The following TENM3 variants were observed in gnomAD, a reference collection of about 807,000 sequenced individuals.
The protein encoded by TENM3 is teneurin transmembrane protein 3.
A neutral mutation model predicts 255.1 loss-of-function variants in TENM3; 63 were observed. That is an observed-to-expected ratio of 0.25 (90% CI 0.20 to 0.30). The LOEUF (loss-of-function observed/expected upper bound fraction) is 0.30. TENM3 is among the 10% of genes least tolerant of loss of function. The pLI is 1.00. For missense variants in TENM3, 2,929 were observed against 3,461.1 expected (o/e 0.85, Z 3.86); for synonymous variants, 1,306 against 1,322.3 (o/e 0.99, Z 0.27).
At chr4:182,344,088 AT>A (rs77628132) in intron 2 of TENM3, among the ~76,000 whole-genome samples, 41,053 of 151,876 alleles carry the variant, frequency 0.27, 5,972 homozygotes, top group East Asian at 0.37. Context: ...TTTTTAAGTG[AT>A]TTTTTTCATT....
chr4:181,598,728 A>G, the TENM3 span, among the ~76,000 whole-genome samples: 2 of 152,194 alleles, frequency 1.3e-5, no homozygotes, highest in South Asian at 2.1e-4. Context: ...AATAGATTAC[A>G]TCTTGTAATA....
At chr4:181,933,255 A>G in the TENM3 span, among the ~76,000 whole-genome samples, 1 of 152,222 alleles carries the variant, frequency 6.6e-6, no homozygotes, top group Non-Finnish European at 1.5e-5. Context: ...AGCTTTAGAA[A>G]GAGTAATAAA....
intron 3 of TENM3, among the ~76,000 whole-genome samples, chr4:182,425,956 T>A (rs2151163762): frequency 7.1e-6 from 1 of 140,542 alleles, no homozygotes; most frequent in East Asian, 2.0e-4. Context: ...TGCAGTGAGC[T>A]GTGATCGCAC....
chr4:181,565,563 G>A, the TENM3 span, among the ~76,000 whole-genome samples: 1 of 152,158 alleles, frequency 6.6e-6, no homozygotes, highest in Admixed American at 6.5e-5. Context: ...TGCGGACGAG[G>A]GCACGCAGCA....
chr4:181,678,140 G>A, the TENM3 span, among the ~76,000 whole-genome samples: 1 of 152,130 alleles, frequency 6.6e-6, no homozygotes. Context: ...CAAGAGACAA[G>A]TTCTATGCAG....
chr4:182,463,790 A>AT (rs1244480673), intron 3 of TENM3, among the ~76,000 whole-genome samples: 10 of 151,742 alleles, frequency 6.6e-5, no homozygotes, highest in Non-Finnish European at 1.2e-4. Flanking sequence ...TGCCCAGCTA[A>AT]TTTTGTATTT....
the TENM3 span, among the ~76,000 whole-genome samples, chr4:181,910,726 C>T: frequency 4.6e-5 from 7 of 151,582 alleles, no homozygotes; most frequent in African/African-American, 7.3e-5. Context: ...ATCCACCTGC[C>T]TCAGCCCCCC....
chr4:182,796,983 A>T (rs1404848382), intron 27 of TENM3, among the ~76,000 whole-genome samples: 1 of 152,256 alleles, frequency 6.6e-6, no homozygotes, highest in African/African-American at 2.4e-5. Context: ...GCTAATGAAA[A>T]CATAGAAATG....
At chr4:182,720,825 T>C (rs180814665) in intron 13 of TENM3, among the ~76,000 whole-genome samples, 1 of 144,192 alleles carries the variant, frequency 6.9e-6, no homozygotes, top group Non-Finnish European at 1.5e-5. Flanking sequence ...TGGAGTGCAA[T>C]AGCATAGTCT....
intron 22 of TENM3, among the ~76,000 whole-genome samples, chr4:182,771,563 T>G (rs1161211326): frequency 6.6e-6 from 1 of 152,146 alleles, no homozygotes; most frequent in Non-Finnish European, 1.5e-5. Context: ...GGGCATTAAT[T>G]TTTTTTAACC....
At chr4:182,643,297 C>G (rs1752471904) in intron 5 of TENM3, among the ~76,000 whole-genome samples, 1 of 152,080 alleles carries the variant, frequency 6.6e-6, no homozygotes, top group East Asian at 1.9e-4. Flanking sequence ...GCATTCAAAG[C>G]CCAAGATATC....
chr4:182,207,949 C>T (rs577736633), intron 1 of TENM3, among the ~76,000 whole-genome samples: 171 of 152,322 alleles, frequency 1.1e-3, no homozygotes, highest in Non-Finnish European at 1.9e-3. Context: ...AATGCTGCTG[C>T]TGCTGTTGCT....
At chr4:181,452,625 C>T in the TENM3 span, among the ~76,000 whole-genome samples, 10 of 152,178 alleles carry the variant, frequency 6.6e-5, no homozygotes, top group Non-Finnish European at 1.5e-4. Context: ...ATCAATTAAA[C>T]ATCTTTCCTC....
chr4:182,482,463 A>G (rs1215029241), intron 3 of TENM3, among the ~76,000 whole-genome samples: 2 of 152,192 alleles, frequency 1.3e-5, no homozygotes, highest in Non-Finnish European at 2.9e-5. Context: ...TAAAAAAATT[A>G]CCCTTCAGTG....
intron 3 of TENM3, among the ~76,000 whole-genome samples, chr4:182,464,422 A>G (rs1223600427): frequency 6.6e-6 from 1 of 152,010 alleles, no homozygotes; most frequent in Non-Finnish European, 1.5e-5. Flanking sequence ...ATGTCCAGCT[A>G]ATTTTTGTAT....
At chr4:182,003,394 A>T in the TENM3 span, among the ~76,000 whole-genome samples, 1 of 152,138 alleles carries the variant, frequency 6.6e-6, no homozygotes, top group African/African-American at 2.4e-5. Flanking sequence ...TGGAAATAAA[A>T]TTAGACTTAA....
Position 182,792,388 on chromosome 4 carries a change from C to A in TENM3, c.5716C>A (p.Arg1906=), listed in dbSNP as rs1766178269. 1 of 1,613,906 alleles carries A rather than the reference C, an allele frequency of 6.2e-7. No homozygotes were observed. Among genetic ancestry groups the A allele is most frequent in the African/African-American group, 1.3e-5 (1 of 74,944 alleles). ...SVARHTMQTI[R]SIGYYRNIYN... is the part of the protein sequence containing the mutation. ...GGCTCGCCACACCATGCAGACCATC[C>A]GATCCATTGGCTACTACCGCAACAT... is the stretch of plus-strand genomic sequence containing the variant. Residue 1906 remains arginine (R), a synonymous_variant, in exon 26 of 28, where the codon CGA becomes AGA. Coordinates refer to ENST00000511685, the MANE Select transcript of TENM3 (RefSeq NM_001080477.4). The surrounding 1 kb of genome is among the most constrained non-coding windows in gnomAD (Gnocchi z 6.3).
chr4:182,623,066 A>C lies in TENM3; in HGVS notation c.750-5585A>C, dbSNP rs1750451583. On this transcript the variant is annotated intron_variant, in intron 4 of 27. Coordinates refer to ENST00000511685, the MANE Select transcript of TENM3 (RefSeq NM_001080477.4). ...CGCTCCATTGCCCAGGCTGGAGTGC[A>C]GTGGTGTGATCTCTGCTCACTGCAA... is the stretch of plus-strand genomic sequence containing the variant. Among the ~76,000 whole-genome samples the C allele has an allele frequency of 3.4e-5, 5 of 146,474 alleles. No homozygotes were observed. The South Asian group carries it at 1.1e-3, about 32-fold the overall frequency.
the TENM3 span, among the ~76,000 whole-genome samples, chr4:181,577,143 TAA>T: frequency 7.4e-6 from 1 of 135,088 alleles, no homozygotes; most frequent in Non-Finnish European, 1.5e-5. Context: ...ATATAATATA[TAA>T]TTAATATATA....
Sources: allele counts gnomAD v4.1 joint callset (sites outside exome capture counted in the v4.1 genomes callset), GRCh38; gene constraint gnomAD v4.1.1; non-coding constraint Gnocchi (gnomAD v3.1); transcripts MANE v1.5; gene names NCBI Gene and HGNC (gene_info 2026-07-23, HGNC 2026-07-21).